Variants in EHMT1 observed in about 807,000 individuals in gnomAD.
EHMT1 encodes the protein histone-lysine N-methyltransferase EHMT1.
Under a neutral mutation model 147.2 loss-of-function variants are expected in EHMT1, and 15 were observed. The observed-to-expected ratio is 0.10, with a 90% CI of 0.07 to 0.16. The LOEUF (loss-of-function observed/expected upper bound fraction) is 0.16. Among genes scored for constraint, EHMT1 ranks in the 10% least tolerant of loss-of-function variants. The probability of loss-of-function intolerance (pLI) is 1.00; values close to 1 mark genes in which losing one functional copy is unlikely to be tolerated. For synonymous variants in EHMT1, 795 were observed against 709.6 expected (o/e 1.12, Z -1.91); for missense variants, 1,587 against 1,772.4 (o/e 0.90, Z 1.88).
At position 137,828,737 on chromosome 9, in the gene EHMT1, A is replaced by G. The variant is rs1454538390; in HGVS notation, c.3541-5612A>G. Among the ~76,000 whole-genome samples the G allele has an allele frequency of 1.3e-5, 2 of 152,096 alleles. No homozygotes were observed. Among genetic ancestry groups the G allele is most frequent in the Non-Finnish European group, 2.9e-5 (2 of 68,002 alleles). On this transcript the variant is annotated intron_variant, in intron 25 of 26. Transcript: ENST00000460843. The surrounding 1 kb of genome is among the most constrained non-coding windows in gnomAD (Gnocchi z 5.3). Reference sequence around the variant, plus strand: ...GCATCTCTAAGGCCGGTGGTTCTGGACAGAAAAACCACAAAAATGAGAAGA... The same window carrying G: ...GCATCTCTAAGGCCGGTGGTTCTGGGCAGAAAAACCACAAAAATGAGAAGA...
intron 1 of EHMT1, among the ~76,000 whole-genome samples, chr9:137,652,820 G>C (rs1471135919): frequency 1.3e-5 from 2 of 151,620 alleles, no homozygotes; most frequent in Non-Finnish European, 2.9e-5. Flanking sequence ...CCGCCTCCCA[G>C]GTTCAAGCGA....
At chr9:137,661,244 C>T (rs781381351) in intron 1 of EHMT1, among the ~76,000 whole-genome samples, 3 of 152,076 alleles carry the variant, frequency 2.0e-5, no homozygotes, top group African/African-American at 4.8e-5. Context: ...TATATCTATC[C>T]ATCTCTCTAG....
chr9:137,766,450 A>C (rs1366105917), intron 10 of EHMT1, among the ~76,000 whole-genome samples: 2 of 152,136 alleles, frequency 1.3e-5, no homozygotes, highest in African/African-American at 4.8e-5. Flanking sequence ...CACCATCTCT[A>C]CTGAAAATAC....
chr9:137,683,808 A>G (rs931797972), intron 1 of EHMT1, among the ~76,000 whole-genome samples: 3 of 152,136 alleles, frequency 2.0e-5, no homozygotes, highest in Non-Finnish European at 4.4e-5. Flanking sequence ...AAATTATACA[A>G]TGACACGAGT....
At chr9:137,715,905 T>TTG in intron 2 of EHMT1, 1 of 914,852 alleles carries the variant, frequency 1.1e-6, no homozygotes, top group Non-Finnish European at 1.3e-6. Flanking sequence ...TCAACGTTAA[T>TTG]GCTTAAGAAA....
chr9:137,674,263 A>G (rs979554164), intron 1 of EHMT1, among the ~76,000 whole-genome samples: 1 of 152,188 alleles, frequency 6.6e-6, no homozygotes, highest in African/African-American at 2.4e-5. Flanking sequence ...CTGAAGGCCA[A>G]CCTCTCCATC....
chr9:137,726,053 C>T (rs761545635), intron 3 of EHMT1, among the ~76,000 whole-genome samples: 9 of 152,078 alleles, frequency 5.9e-5, no homozygotes, highest in African/African-American at 2.2e-4. Context: ...TTACTTCTCC[C>T]TGGCCTTGAC....
At chr9:137,641,306 C>A in intron 1 of EHMT1, 1 of 457,244 alleles carries the variant, frequency 2.2e-6, no homozygotes, top group South Asian at 1.7e-5. Context: ...GAAGATGGAT[C>A]ATGACTCTCA....
intron 17 of EHMT1, among the ~76,000 whole-genome samples, chr9:137,800,218 G>A (rs1050221359): frequency 7.9e-5 from 12 of 152,242 alleles, no homozygotes; most frequent in African/African-American, 2.7e-4. Flanking sequence ...TTTCAGAAAA[G>A]TTGCCTTTTT....
chr9:137,830,947 T>C (rs1956147304), intron 25 of EHMT1, among the ~76,000 whole-genome samples: 1 of 152,300 alleles, frequency 6.6e-6, no homozygotes, highest in Middle Eastern at 3.4e-3. Context: ...ATAACAGGAA[T>C]GTATTTCTCA....
rs1947223110 is a variant in EHMT1, at chr9:137,732,747, C to G, written c.823+4218C>G. On this transcript the variant is annotated intron_variant, in intron 4 of 26. Coordinates refer to ENST00000460843, the MANE Select transcript of EHMT1 (RefSeq NM_024757.5). This position sits in a 1 kb window ranked among gnomAD's most constrained non-coding sequence, Gnocchi z 4.6. ...TCACCGGGGACCTGCTCCTATCTGC[C>G]TAGGAATTTGTCTGCCATTATCACT... 6.6e-6 allele frequency among the ~76,000 whole-genome samples: 1 copy of G among 152,162 alleles called. No homozygotes were observed. Among genetic ancestry groups the G allele is most frequent in the Non-Finnish European group, 1.5e-5 (1 of 68,032 alleles).
Position 137,732,000 on chromosome 9 carries a change from C to A in EHMT1, c.823+3471C>A, listed in dbSNP as rs1947152675. Among the ~76,000 whole-genome samples, 1 of 152,212 alleles carries A rather than the reference C, an allele frequency of 6.6e-6. No homozygotes were observed. The highest frequency in any genetic ancestry group is 1.5e-5 in the Non-Finnish European group (1 of 68,022). On this transcript the variant is annotated intron_variant, in intron 4 of 26. Coordinates refer to ENST00000460843, the MANE Select transcript of EHMT1 (RefSeq NM_024757.5). The surrounding 1 kb of genome is among the most constrained non-coding windows in gnomAD (Gnocchi z 4.3). ...CTCGGAGTCACCAGCAACTGCAGAG[C>A]CCCAAGGGGATAGGGTGGGAGAGTG...
Position 137,777,955 on chromosome 9 carries a change from C to T in EHMT1, c.2092C>T (p.Pro698Ser), listed in dbSNP as rs1362042560. The T allele has an allele frequency of 6.2e-7, 1 of 1,613,912 alleles. No individual in the cohort carries two copies. The change falls in exon 13 of 27, where the codon CCA (proline) becomes TCA (serine). Residue 698 changes from proline (P) to serine (S), a missense_variant. By Grantham distance (74) the Pro-to-Ser change is moderately conservative. This residue lies in a region of EHMT1 where 77 missense variants were observed against 79.3 expected (regional missense o/e 0.97). Coordinates refer to ENST00000460843, the MANE Select transcript of EHMT1 (RefSeq NM_024757.5). ...AASHVPEGFD[P>S]TGPAGLGRPT... ...CTCCCACGTGCCCGAGGGCTTTGAT[C>T]CAACGGGACCTGCTGGGCTTGGGAG... is the stretch of plus-strand genomic sequence containing the variant.
chr9:137,663,620 A>G (rs549636955), intron 1 of EHMT1, among the ~76,000 whole-genome samples: 12 of 152,236 alleles, frequency 7.9e-5, no homozygotes, highest in South Asian at 2.1e-4. Context: ...AATTCATTCC[A>G]AAAAGATGTT....
rs555737296 is a variant in EHMT1, at chr9:137,622,097, T to C, written c.21+3048T>C. Among the ~76,000 whole-genome samples the C allele has an allele frequency of 4.0e-5, 6 of 149,544 alleles. No individual in the cohort carries two copies. In the South Asian group the frequency reaches 1.3e-3, roughly 32 times the overall value. On this transcript the variant is annotated intron_variant, in intron 1 of 26. Coordinates refer to ENST00000460843, the MANE Select transcript of EHMT1 (RefSeq NM_024757.5). ...GTCATTTAGCATTAGGTATATCTCC[T>C]AATGCTATCCCTCCCCCCTCCCCCC...
At chr9:137,625,640 C>T (rs1006254112) in intron 1 of EHMT1, among the ~76,000 whole-genome samples, 1 of 151,666 alleles carries the variant, frequency 6.6e-6, no homozygotes, top group Non-Finnish European at 1.5e-5. Context: ...GTGTGGCCGA[C>T]AGTTTATTCT....
intron 2 of EHMT1, 79 bp from the exon 3 acceptor site, chr9:137,716,547 T>TGG (rs1945315100): frequency 7.5e-7 from 1 of 1,340,638 alleles, no homozygotes. Flanking sequence ...GGTGTCATGG[T>TGG]GGGGGAGGAA....
intron 1 of EHMT1, among the ~76,000 whole-genome samples, chr9:137,630,259 TG>T (rs1314829920): frequency 3.3e-5 from 5 of 152,236 alleles, no homozygotes; most frequent in Non-Finnish European, 7.3e-5. Flanking sequence ...GATTGATCCC[TG>T]ATGTTACAAA....
intron 7 of EHMT1, among the ~76,000 whole-genome samples, chr9:137,752,958 C>T (rs1226121960): frequency 1.3e-5 from 2 of 152,144 alleles, no homozygotes; most frequent in Non-Finnish European, 1.5e-5. Context: ...GGTTCTGCTC[C>T]GTCCCTACTG....
Sources: gnomAD v4.1 joint callset for allele counts (sites outside exome capture counted in the v4.1 genomes callset) on GRCh38, gnomAD v4.1.1 for gene constraint, gnomAD v4.1.1 regional missense constraint, Gnocchi (gnomAD v3.1) non-coding constraint, MANE v1.5 for transcripts, NCBI Gene and HGNC (gene_info 2026-07-23, HGNC 2026-07-21) for gene names.